LSG1: variants seen among roughly 807,000 people sequenced by gnomAD.
The protein encoded by LSG1 is large 60S subunit nuclear export GTPase 1.
LSG1 carries 55 observed loss-of-function variants against 82.6 expected under a neutral mutation model. The ratio of observed to expected loss-of-function variants is 0.67; its 90% CI spans 0.54 to 0.83. LSG1 has a LOEUF of 0.83. LSG1 is among the 40% of genes least tolerant of loss of function. The pLI is 0.00. For synonymous variants in LSG1, 272 were observed against 282.5 expected (o/e 0.96, Z 0.37); for missense variants, 809 against 807.9 (o/e 1.00, Z -0.02).
chr3:194,671,419 T>C (rs1239733605), intron 1 of LSG1, among the ~76,000 whole-genome samples: 3 of 152,140 alleles, frequency 2.0e-5, no homozygotes, highest in Non-Finnish European at 2.9e-5. Flanking sequence ...CAGGGACATA[T>C]TTAACTAAAT....
chr3:194,649,333 G>A (rs774833077), intron 10 of LSG1, among the ~76,000 whole-genome samples: 6 of 152,192 alleles, frequency 3.9e-5, no homozygotes, highest in Non-Finnish European at 8.8e-5. Context: ...ATCCTCCACA[G>A]CACCTAACCT....
chr3:194,642,194 G>C lies in LSG1; in HGVS notation c.1851C>G (p.Pro617=). The change falls in exon 14 of 14, where the codon CCC becomes CCG. Residue 617 remains proline, a synonymous_variant. Transcript: ENST00000265245. ...TGGATGCAGTCACTACACCACTCCC[G>C]GGCTTGTAACCCATCACAGCCTGGA... The part of the protein sequence containing the change: ...KGVQAVMGYK[P]GSGVVTASTA... 6.2e-7 allele frequency: 1 copy of C among 1,613,932 alleles called. No individual in the cohort carries two copies. Among genetic ancestry groups the C allele is most frequent in the Non-Finnish European group, 8.5e-7 (1 of 1,179,990 alleles).
At chr3:194,667,399 T>C (rs1719051643) in intron 2 of LSG1, among the ~76,000 whole-genome samples, 2 of 152,058 alleles carry the variant, frequency 1.3e-5, no homozygotes, top group Admixed American at 6.6e-5. Context: ...TCTTTCCAAC[T>C]TCCCTCTCTA....
At chr3:194,656,487 G>A (rs4642061) in intron 7 of LSG1, among the ~76,000 whole-genome samples, 91,875 of 150,350 alleles carry the variant, frequency 0.61, 29,529 homozygotes, top group East Asian at 0.87. Context: ...TCATTAAAAA[G>A]TCAGGAAACA....
rs117665638 is a variant in LSG1, at chr3:194,669,639, T to C, written c.226+370A>G. On this transcript the variant is annotated intron_variant, in intron 2 of 13. Coordinates refer to ENST00000265245, the MANE Select transcript of LSG1 (RefSeq NM_018385.3). ...ATCTGTCCTTTGAACATCTACTCAT[T>C]GTTCAAGACTCAGGGCGGGCACGGT... is the stretch of plus-strand genomic sequence containing the variant. 1.5e-3 allele frequency among the ~76,000 whole-genome samples: 229 copies of C among 152,274 alleles called. No individual in the cohort carries two copies. The East Asian group carries it at 0.041, about 27-fold the overall frequency.
At chr3:194,662,538 G>A (rs913775023) in intron 5 of LSG1, among the ~76,000 whole-genome samples, 8 of 152,142 alleles carry the variant, frequency 5.3e-5, no homozygotes, top group African/African-American at 1.4e-4. Flanking sequence ...TGAAGTGGGT[G>A]GATCACCTGA....
chr3:194,665,984 C>T (rs546072923), intron 4 of LSG1, among the ~76,000 whole-genome samples: 26 of 152,294 alleles, frequency 1.7e-4, no homozygotes, highest in Admixed American at 6.5e-4. Context: ...GGAAAAGGCC[C>T]GGAACTGAGC....
intron 4 of LSG1, among the ~76,000 whole-genome samples, chr3:194,665,902 T>C (rs928185491): frequency 6.6e-6 from 1 of 152,154 alleles, no homozygotes; most frequent in African/African-American, 2.4e-5. Context: ...TTTCCCACAC[T>C]CTTACTGGAA....
At position 194,644,368 on chromosome 3, in the gene LSG1, CA is replaced by C. The variant is rs1395757240; in HGVS notation, c.1797+204del. Among the ~76,000 whole-genome samples the C allele has an allele frequency of 9.4e-4, 58 of 62,030 alleles. 2 individuals carry two copies. Among genetic ancestry groups the C allele is most frequent in the African/African-American group, 1.0e-3 (20 of 19,652 alleles). The allele number at this position is 62,030 out of a possible 152,430, so 40.7% of individuals were successfully genotyped here. ...TGGGCGACAGAGCGAGACTCCGTCT[CA>C]AAAAAAAAAAATAAAAATAAATAAA... On this transcript the variant is annotated intron_variant, in intron 13 of 13. Transcript: ENST00000265245.
chr3:194,642,542 C>T (rs115554708), intron 13 of LSG1, among the ~76,000 whole-genome samples: 2,132 of 152,104 alleles, frequency 0.014, 46 homozygotes, highest in African/African-American at 0.049. Context: ...CAAAACTTAA[C>T]CTGTTTCAAC....
In LSG1 at chr3:194,670,155, G is replaced by A. The variant is rs369154299; in HGVS notation, c.100-20C>T. The A allele has an allele frequency of 3.1e-6, 5 of 1,611,974 alleles. No individual in the cohort carries two copies. The highest frequency in any genetic ancestry group is 1.1e-5 in the South Asian group (1 of 90,992). On this transcript the variant is annotated intron_variant, in intron 1 of 13. Transcript: ENST00000265245. ...GTGCAACTATGAAAAAACACAGGGT[G>A]ATAAATACAGCTGCTCTCTTCTGCT... is the stretch of plus-strand genomic sequence containing the variant.
At position 194,667,923 on chromosome 3, in the gene LSG1, C is replaced by CAAAAAAAAAAAAA. The variant is rs1170566137; in HGVS notation, c.227-1364_227-1352dup. On this transcript the variant is annotated intron_variant, in intron 2 of 13. Coordinates refer to ENST00000265245, the MANE Select transcript of LSG1 (RefSeq NM_018385.3). The stretch of plus-strand genomic sequence containing the variant: ...GGGCGACAAGAGAGAGACTCCGTCT[C>CAAAAAAAAAAAAA]AAAAAAAAAAAAAAAAAAAATATAT... Among the ~76,000 whole-genome samples, 5 of 12,842 alleles carry CAAAAAAAAAAAAA rather than the reference C, an allele frequency of 3.9e-4. 1 individual carries two copies. Among genetic ancestry groups the CAAAAAAAAAAAAA allele is most frequent in the Non-Finnish European group, 6.3e-4 (5 of 7,930 alleles). 8.4% of individuals were successfully genotyped at this position (12,842 alleles called of 152,430 possible).
intron 5 of LSG1, chr3:194,660,867 G>C (rs1283681548): frequency 2.2e-6 from 1 of 456,278 alleles, no homozygotes; most frequent in Non-Finnish European, 4.4e-6. Context: ...AAATATAGTG[G>C]GGACTACAGG....
In LSG1 at chr3:194,651,281, G is replaced by A. The variant is rs1056459508; in HGVS notation, c.1174-65C>T. On this transcript the variant is annotated intron_variant, in intron 8 of 13. Coordinates refer to ENST00000265245, the MANE Select transcript of LSG1 (RefSeq NM_018385.3). The stretch of plus-strand genomic sequence containing the variant: ...CATCTATCAAAAGACTCAAAGATAT[G>A]ACATAGATGGTGGCAAGACTAGCAT... 2.2e-5 allele frequency: 24 copies of A among 1,082,228 alleles called. No homozygotes were observed. The African/African-American group carries it at 3.1e-4, about 14-fold the overall frequency. 67.0% of individuals were successfully genotyped at this position (1,082,228 alleles called of 1,614,324 possible). A position where few individuals can be genotyped will look rare whatever the true frequency, so the allele number is the denominator to read the frequency against.
chr3:194,659,615 G>T (rs998497043), intron 6 of LSG1, among the ~76,000 whole-genome samples: 4 of 152,156 alleles, frequency 2.6e-5, no homozygotes, highest in African/African-American at 9.7e-5. Context: ...TATTTCATGG[G>T]ACTCTCACAT....
intron 10 of LSG1, 130 bp from the exon 11 acceptor site, chr3:194,648,934 T>A: frequency 2.3e-6 from 2 of 878,446 alleles, no homozygotes; most frequent in Admixed American, 3.0e-5. Context: ...AGGAAGAGGA[T>A]AGTTTTTGAT....
intron 6 of LSG1, 75 bp downstream of exon 6, chr3:194,659,998 G>T (rs1718890589): frequency 1.6e-6 from 2 of 1,275,192 alleles, no homozygotes; most frequent in Non-Finnish European, 2.3e-6. Context: ...TATGCCTACA[G>T]TCATTGCTGA....
chr3:194,666,576 T>C lies in LSG1; in HGVS notation c.227-4A>G, dbSNP rs781426689. The C allele has an allele frequency of 1.2e-6, 2 of 1,607,742 alleles. No homozygotes were observed. The highest frequency in any genetic ancestry group is 2.2e-5 in the East Asian group (1 of 44,848). On this transcript the variant is annotated splice_region_variant and splice_polypyrimidine_tract_variant and intron_variant, in intron 2 of 13. Transcript: ENST00000265245. ...ACAAACTTAATATTAAGTTTCTCTG[T>C]TCAAATAAAGAAAAGTACTATTACT...
At chr3:194,656,577 G>C (rs1718794610) in intron 7 of LSG1, among the ~76,000 whole-genome samples, 2 of 152,098 alleles carry the variant, frequency 1.3e-5, no homozygotes, top group Admixed American at 6.5e-5. Flanking sequence ...AACCCTTGTG[G>C]AAGTCAGTGT....
Sources: gnomAD v4.1 joint callset for allele counts (sites outside exome capture counted in the v4.1 genomes callset) on GRCh38, gnomAD v4.1.1 for gene constraint, MANE v1.5 for transcripts, NCBI Gene and HGNC (gene_info 2026-07-23, HGNC 2026-07-21) for gene names.